Variants in SHTN1 observed in about 807,000 individuals in gnomAD.
SHTN1 encodes the protein shootin-1.
SHTN1 carries 42 observed loss-of-function variants against 83.1 expected under a neutral mutation model. The observed-to-expected ratio is 0.51, with a 90% confidence interval of 0.39 to 0.65. The LOEUF is 0.65. Among genes scored for constraint, SHTN1 ranks in the 30% least tolerant of loss-of-function variants. The pLI is 0.00. For synonymous variants in SHTN1, 224 were observed against 247.7 expected (o/e 0.90, Z 0.90); for missense variants, 622 against 737.8 (o/e 0.84, Z 1.82).
At position 116,883,326 on chromosome 10, in the gene SHTN1, G is replaced by A. The variant is rs1319168533; in HGVS notation, c.*3018C>T. ...TAACTGTATATATAATATTATCTGT[G>A]AAAGAAATGAAAGAAACAGTCACAT... On this transcript the variant is annotated 3_prime_UTR_variant, in exon 17 of 17. Coordinates refer to ENST00000355371, the MANE Select transcript of SHTN1 (RefSeq NM_001127211.3). 1 of 152,028 alleles carries A rather than the reference G, an allele frequency of 6.6e-6. No homozygotes were observed. The allele number at this position is 152,028 out of a possible 1,614,324, so 9.4% of individuals were successfully genotyped here.
chr10:117,075,287 T>G (rs1340755417), intron 1 of SHTN1, among the ~76,000 whole-genome samples: 1 of 152,162 alleles, frequency 6.6e-6, no homozygotes, highest in East Asian at 1.9e-4. Context: ...CAGTTGTTCA[T>G]TCCTGCCCTG....
intron 11 of SHTN1, among the ~76,000 whole-genome samples, chr10:116,926,921 T>C (rs955485795): frequency 2.0e-4 from 31 of 152,158 alleles, no homozygotes; most frequent in African/African-American, 2.4e-5. Flanking sequence ...GCTCAAGTGA[T>C]GTACATAATG....
intron 2 of SHTN1, among the ~76,000 whole-genome samples, chr10:117,032,497 C>T (rs1164784523): frequency 6.6e-6 from 1 of 152,124 alleles, no homozygotes; most frequent in Non-Finnish European, 1.5e-5. Flanking sequence ...AGCCACTGCA[C>T]CCAGCCATAT....
intron 1 of SHTN1, among the ~76,000 whole-genome samples, chr10:117,001,909 A>G (rs543313233): frequency 1.6e-4 from 24 of 152,354 alleles, no homozygotes; most frequent in African/African-American, 5.5e-4. Context: ...GGAAGGACCC[A>G]TATGATGAAA....
intron 1 of SHTN1, among the ~76,000 whole-genome samples, chr10:116,986,604 C>CA (rs1851225406): frequency 1.3e-5 from 2 of 151,688 alleles, no homozygotes. Flanking sequence ...CCACTGTTGA[C>CA]AGAGTGCAGT....
At chr10:117,087,306 A>G (rs939553424) in intron 1 of SHTN1, among the ~76,000 whole-genome samples, 5 of 152,262 alleles carry the variant, frequency 3.3e-5, no homozygotes, top group African/African-American at 7.2e-5. Context: ...AACAATTTTT[A>G]AAATGCATAA....
intron 2 of SHTN1, among the ~76,000 whole-genome samples, chr10:116,977,603 G>C (rs1850852582): frequency 6.6e-6 from 1 of 151,926 alleles, no homozygotes; most frequent in Non-Finnish European, 1.5e-5. Context: ...GATTCTGCAT[G>C]GTTACAGGGT....
At chr10:116,943,170 G>A (rs1849448787) in intron 8 of SHTN1, among the ~76,000 whole-genome samples, 1 of 152,094 alleles carries the variant, frequency 6.6e-6, no homozygotes, top group Non-Finnish European at 1.5e-5. Flanking sequence ...CTCATTCTGG[G>A]TTAACATGTC....
chr10:117,083,839 G>A (rs2133614153), intron 1 of SHTN1, among the ~76,000 whole-genome samples: 1 of 151,916 alleles, frequency 6.6e-6, no homozygotes, highest in East Asian at 1.9e-4. Context: ...GATCGCATCG[G>A]CTCCTGAGGC....
upstream of SHTN1, among the ~76,000 whole-genome samples, chr10:117,007,171 G>A (rs547811353): frequency 2.0e-5 from 3 of 151,936 alleles, no homozygotes; most frequent in Non-Finnish European, 4.4e-5. Context: ...AAAAAAATCC[G>A]GGAGATTTTA....
At chr10:117,072,702 G>T (rs1392491037) in intron 1 of SHTN1, among the ~76,000 whole-genome samples, 1 of 152,116 alleles carries the variant, frequency 6.6e-6, no homozygotes, top group Non-Finnish European at 1.5e-5. Flanking sequence ...TGGGACAAAG[G>T]AATCTGAAAA....
chr10:116,954,539 A>G (rs1589839574), intron 4 of SHTN1, among the ~76,000 whole-genome samples: 1 of 152,196 alleles, frequency 6.6e-6, no homozygotes, highest in Non-Finnish European at 1.5e-5. Flanking sequence ...ACTTTATTTC[A>G]AGCAAATCTT....
chr10:116,893,019 T>C (rs1339598748), intron 16 of SHTN1, among the ~76,000 whole-genome samples: 2 of 152,260 alleles, frequency 1.3e-5, no homozygotes, highest in South Asian at 4.1e-4. Context: ...ATTAATTCTC[T>C]GAGAGAATTG....
intron 8 of SHTN1, among the ~76,000 whole-genome samples, chr10:116,943,959 C>T (rs1259067748): frequency 6.6e-6 from 1 of 152,142 alleles, no homozygotes; most frequent in African/African-American, 2.4e-5. Context: ...CCAACGACTG[C>T]ATGTCAACAG....
chr10:117,078,947 G>A (rs1853207566), intron 1 of SHTN1, among the ~76,000 whole-genome samples: 1 of 151,728 alleles, frequency 6.6e-6, no homozygotes, highest in African/African-American at 2.4e-5. Context: ...GATCAGTAGT[G>A]ATGGCCCTGC....
chr10:116,889,660 T>C (rs111287130), intron 16 of SHTN1, among the ~76,000 whole-genome samples: 108 of 152,344 alleles, frequency 7.1e-4, no homozygotes, highest in Non-Finnish European at 4.7e-4. Flanking sequence ...CAGAAGCTCC[T>C]GTCTCCCTGT....
chr10:116,927,769 G>A lies in SHTN1; in HGVS notation c.1112+23C>T, dbSNP rs372037739. ...GATGGAGAAGAACATTTGATGCAGAGCAGTCTTCCTGGATGTGCTTACCGG... is the reference window on the plus strand; with the variant it reads ...GATGGAGAAGAACATTTGATGCAGAACAGTCTTCCTGGATGTGCTTACCGG... On this transcript the variant is annotated intron_variant, in intron 11 of 16. Coordinates refer to ENST00000355371, the MANE Select transcript of SHTN1 (RefSeq NM_001127211.3). The A allele has an allele frequency of 3.3e-6, 5 of 1,519,588 alleles. No individual in the cohort carries two copies. The South Asian group carries it at 6.6e-5, about 20-fold the overall frequency. 94.1% of individuals were successfully genotyped at this position (1,519,588 alleles called of 1,614,324 possible).
intron 2 of SHTN1, among the ~76,000 whole-genome samples, chr10:117,030,528 T>C (rs774602858): frequency 1.3e-5 from 2 of 152,022 alleles, no homozygotes; most frequent in Non-Finnish European, 2.9e-5. Flanking sequence ...CAGGAACCAA[T>C]TCTAGAAAAA....
At chr10:116,907,090 A>T (rs1212479295) in intron 14 of SHTN1, among the ~76,000 whole-genome samples, 1 of 152,186 alleles carries the variant, frequency 6.6e-6, no homozygotes, top group Non-Finnish European at 1.5e-5. Flanking sequence ...GGAGAAGAGA[A>T]TTGATATATT....
Sources: allele counts gnomAD v4.1 joint callset (sites outside exome capture counted in the v4.1 genomes callset), GRCh38; gene constraint gnomAD v4.1.1; transcripts MANE v1.5; gene names NCBI Gene and HGNC (gene_info 2026-07-23, HGNC 2026-07-21).